Variants in B3GALT1 observed in about 807,000 individuals in gnomAD.
B3GALT1 encodes the protein UDP-Gal:betaGlcNAc beta 1,3-galactosyltransferase, polypeptide 1.
In B3GALT1, 10 loss-of-function variants were observed where a neutral mutation model predicts 23.2. The ratio of observed to expected loss-of-function variants is 0.43; its 90% confidence interval spans 0.27 to 0.73. B3GALT1 has a LOEUF of 0.73. Among genes scored for constraint, B3GALT1 ranks in the 30% least tolerant of loss-of-function variants. The pLI is 0.21. For missense variants in B3GALT1, 299 were observed against 405.4 expected, an observed-to-expected ratio of 0.74 and a Z score of 2.25; for synonymous variants, 156 against 141.5, an observed-to-expected ratio of 1.10 and a Z score of -0.73.
intron 4 of B3GALT1, among the ~76,000 whole-genome samples, chr2:167,825,985 G>A (rs780616833): frequency 1.3e-5 from 2 of 152,094 alleles, no homozygotes; most frequent in African/African-American, 2.4e-5. Flanking sequence ...TTCTCTTTCA[G>A]TCCAATAAGC....
intron 2 of B3GALT1, among the ~76,000 whole-genome samples, chr2:167,561,668 C>G (rs1156452619): frequency 6.6e-6 from 1 of 152,196 alleles, no homozygotes; most frequent in African/African-American, 2.4e-5. Flanking sequence ...TCAGAGAATA[C>G]TACAAACACC....
At chr2:167,446,704 C>T (rs892369403) in intron 1 of B3GALT1, among the ~76,000 whole-genome samples, 2 of 152,160 alleles carry the variant, frequency 1.3e-5, no homozygotes, top group African/African-American at 2.4e-5. Flanking sequence ...CCATGGTTTT[C>T]AGGTCCATCA....
chr2:167,486,534 A>G (rs1277766361), intron 1 of B3GALT1, among the ~76,000 whole-genome samples: 2 of 151,144 alleles, frequency 1.3e-5, no homozygotes, highest in African/African-American at 2.4e-5. Context: ...CCTGGCCAAC[A>G]TGGTGAAACC....
intron 3 of B3GALT1, chr2:167,714,426 G>A: frequency 3.8e-6 from 6 of 1,568,860 alleles, no homozygotes; most frequent in Non-Finnish European, 2.6e-6. Flanking sequence ...ACAGGTGAGA[G>A]TCTGAGTGGA....
At chr2:167,861,963 G>A (rs960338399) in intron 4 of B3GALT1, among the ~76,000 whole-genome samples, 2 of 152,194 alleles carry the variant, frequency 1.3e-5, no homozygotes, top group African/African-American at 4.8e-5. Context: ...CATTCCTTGA[G>A]ACACCAGAGG....
At chr2:167,744,463 C>A (rs1380243014) in intron 3 of B3GALT1, among the ~76,000 whole-genome samples, 1 of 152,132 alleles carries the variant, frequency 6.6e-6, no homozygotes, top group Non-Finnish European at 1.5e-5. Flanking sequence ...GTGTCCATTC[C>A]TATTCTCAAA....
chr2:167,591,008 A>G (rs1684670766), intron 2 of B3GALT1, among the ~76,000 whole-genome samples: 1 of 152,198 alleles, frequency 6.6e-6, no homozygotes, highest in South Asian at 2.1e-4. Flanking sequence ...AGACACCACA[A>G]TAGGCACTGG....
At chr2:167,739,942 A>C (rs1574238938) in intron 3 of B3GALT1, among the ~76,000 whole-genome samples, 1 of 137,678 alleles carries the variant, frequency 7.3e-6, no homozygotes, top group Admixed American at 7.3e-5. Context: ...AAACAAACAA[A>C]AAAAAAAAAA....
intron 2 of B3GALT1, among the ~76,000 whole-genome samples, chr2:167,515,314 C>A (rs935987904): frequency 6.6e-6 from 1 of 152,112 alleles, no homozygotes; most frequent in African/African-American, 2.4e-5. Flanking sequence ...GTTATTATTA[C>A]ATTCACTATG....
intron 1 of B3GALT1, among the ~76,000 whole-genome samples, chr2:167,448,402 G>A (rs765752321): frequency 6.6e-6 from 1 of 152,018 alleles, no homozygotes; most frequent in Admixed American, 6.6e-5. Context: ...TTGTACATTT[G>A]TATATTTTCT....
intron 4 of B3GALT1, among the ~76,000 whole-genome samples, chr2:167,828,716 T>C (rs1381216979): frequency 1.3e-5 from 2 of 152,212 alleles, no homozygotes; most frequent in Non-Finnish European, 2.9e-5. Context: ...CACTGTGCCA[T>C]GAGCTTTGCA....
intron 2 of B3GALT1, among the ~76,000 whole-genome samples, chr2:167,598,904 A>G (rs757457370): frequency 3.3e-5 from 5 of 152,338 alleles, no homozygotes; most frequent in East Asian, 1.9e-4. Context: ...ACATTCTATT[A>G]TCTTTCTTTA....
At chr2:167,348,226 G>A (rs1425393103) in intron 1 of B3GALT1, among the ~76,000 whole-genome samples, 1 of 152,060 alleles carries the variant, frequency 6.6e-6, no homozygotes, top group Non-Finnish European at 1.5e-5. Flanking sequence ...AAAATTTCAG[G>A]AAGTTTAGTA....
intron 1 of B3GALT1, among the ~76,000 whole-genome samples, chr2:167,380,756 C>T (rs574261271): frequency 5.2e-4 from 79 of 152,270 alleles, no homozygotes; most frequent in African/African-American, 1.9e-3. Flanking sequence ...CTGGGTTGTT[C>T]GGTCCTTGGG....
intron 1 of B3GALT1, among the ~76,000 whole-genome samples, chr2:167,379,769 T>A (rs538323761): frequency 2.9e-4 from 44 of 152,250 alleles, no homozygotes; most frequent in African/African-American, 1.0e-3. Flanking sequence ...CACCTATAGG[T>A]CCCCCAGTGG....
intron 3 of B3GALT1, among the ~76,000 whole-genome samples, chr2:167,771,926 T>C (rs1238366842): frequency 6.6e-6 from 1 of 152,206 alleles, no homozygotes; most frequent in Non-Finnish European, 1.5e-5. Flanking sequence ...TAACCAATAA[T>C]GAAATACAGA....
chr2:167,665,801 G>A (rs1287264030), intron 3 of B3GALT1, among the ~76,000 whole-genome samples: 10 of 152,166 alleles, frequency 6.6e-5, no homozygotes, highest in African/African-American at 1.7e-4. Context: ...CGTGGGATCG[G>A]TGGTGATATC....
At chr2:167,505,452 T>G (rs1699904827) in intron 2 of B3GALT1, among the ~76,000 whole-genome samples, 3 of 152,178 alleles carry the variant, frequency 2.0e-5, no homozygotes. Flanking sequence ...CTTCTTGATA[T>G]TAACACTCAC....
At chr2:167,782,657 T>A (rs937320037) in intron 3 of B3GALT1, among the ~76,000 whole-genome samples, 1 of 152,334 alleles carries the variant, frequency 6.6e-6, no homozygotes. Flanking sequence ...AAATAGGTAA[T>A]TATACACCCT....
Sources: gnomAD v4.1 joint callset for allele counts (sites outside exome capture counted in the v4.1 genomes callset) on GRCh38, gnomAD v4.1.1 for gene constraint, MANE v1.5 for transcripts, NCBI Gene and HGNC (gene_info 2026-07-23, HGNC 2026-07-21) for gene names.